Variants in GMCL1 observed in about 807,000 individuals in gnomAD.
GMCL1 encodes germ cell-less 1, spermatogenesis associated.
A neutral mutation model predicts 75.5 loss-of-function variants in GMCL1; 54 were observed. The observed-to-expected ratio is 0.71, with a 90% CI of 0.57 to 0.90. The LOEUF is 0.90. GMCL1 is among the 40% of genes least tolerant of loss of function. The pLI is 0.00. For synonymous variants in GMCL1, 210 were observed against 209.6 expected (o/e 1.00, Z -0.02); for missense variants, 537 against 622.7 (o/e 0.86, Z 1.47).
chr2:69,867,835 C>T (rs1675864755), intron 11 of GMCL1, among the ~76,000 whole-genome samples: 1 of 152,268 alleles, frequency 6.6e-6, no homozygotes, highest in Non-Finnish European at 1.5e-5. Context: ...CTGCATTTTC[C>T]TAGTGAATTG....
At chr2:69,874,174 A>G (rs1249037380) in intron 13 of GMCL1, among the ~76,000 whole-genome samples, 1 of 152,132 alleles carries the variant, frequency 6.6e-6, no homozygotes, top group Non-Finnish European at 1.5e-5. Context: ...AAATTCCAAG[A>G]AGTAGAATTC....
rs113907341 is a variant in GMCL1, at chr2:69,865,386, G to A, written c.1218+411G>A. Among the ~76,000 whole-genome samples, 821 of 152,252 alleles carry A rather than the reference G, an allele frequency of 5.4e-3. 9 individuals carry two copies. The highest frequency in any genetic ancestry group is 0.019 in the African/African-American group (790 of 41,544). ...TTCTTGGCCAGGTGCGGTGGCTCAC[G>A]CCTATAATCCCAGCACTTTGGAAGG... On this transcript the variant is annotated intron_variant, in intron 11 of 13. Coordinates refer to ENST00000282570, the MANE Select transcript of GMCL1 (RefSeq NM_178439.5).
rs933532348 is a variant in GMCL1 at position 69,832,075 on chromosome 2, A to C, written c.260+1923A>C. 2.6e-5 allele frequency among the ~76,000 whole-genome samples: 4 copies of C among 152,142 alleles called. No individual in the cohort carries two copies. The East Asian group carries it at 7.7e-4, about 29-fold the overall frequency. On this transcript the variant is annotated intron_variant, in intron 1 of 13. Coordinates refer to ENST00000282570, the MANE Select transcript of GMCL1 (RefSeq NM_178439.5). ...GTCTCTACTAAAAATATAAAAACTA[A>C]CCAGTCGTGGTGGCAGCTGCCTGTA...
At chr2:69,860,844 T>G (rs914975184) in intron 9 of GMCL1, among the ~76,000 whole-genome samples, 11 of 152,126 alleles carry the variant, frequency 7.2e-5, no homozygotes, top group African/African-American at 2.4e-4. Flanking sequence ...TTTGTTTGTC[T>G]GTCTGTTTGA....
Position 69,844,190 on chromosome 2 carries a change from A to G in GMCL1, c.752A>G (p.Glu251Gly). ...CACCAGAATGTTGAACTTTTTAAAGAACTCAGGTATTTGAATTTCAAGTAA... is the reference window on the plus strand; with the variant it reads ...CACCAGAATGTTGAACTTTTTAAAGGACTCAGGTATTTGAATTTCAAGTAA... ...MTHQNVELFK[E>G]LSINVMKQLI... The change falls in exon 6 of 14, where the codon GAA (glutamate) becomes GGA (glycine). Residue 251 changes from glutamate to glycine, a missense_variant. Transcript: ENST00000282570. 6.4e-7 allele frequency: 1 copy of G among 1,551,382 alleles called. No homozygotes were observed. Among genetic ancestry groups the G allele is most frequent in the Non-Finnish European group, 8.8e-7 (1 of 1,140,832 alleles).
chr2:69,859,350 AAT>A (rs1675573486), intron 9 of GMCL1, among the ~76,000 whole-genome samples: 2 of 151,228 alleles, frequency 1.3e-5, no homozygotes, highest in African/African-American at 4.8e-5. Context: ...AATTTTTTTA[AAT>A]ATATGTGTGT....
chr2:69,869,572 C>T, intron 11 of GMCL1, 147 bp from the exon 12 acceptor site: 1 of 663,534 alleles, frequency 1.5e-6, no homozygotes, highest in Non-Finnish European at 2.5e-6. Context: ...GGGTGGTAAG[C>T]CTTAAGAAAA....
At chr2:69,865,966 T>C (rs1444600364) in intron 11 of GMCL1, among the ~76,000 whole-genome samples, 1 of 152,056 alleles carries the variant, frequency 6.6e-6, no homozygotes, top group Non-Finnish European at 1.5e-5. Flanking sequence ...AAAAACTGAT[T>C]GTGGCTGGGC....
intron 6 of GMCL1, among the ~76,000 whole-genome samples, chr2:69,846,639 A>G (rs1675156249): frequency 6.6e-6 from 1 of 152,202 alleles, no homozygotes; most frequent in Admixed American, 6.5e-5. Context: ...TTTATGGCTC[A>G]AAGGAAAGAA....
At position 69,861,320 on chromosome 2, in the gene GMCL1, T is replaced by C. The variant is rs766903048; in HGVS notation, c.1115T>C (p.Leu372Pro). 1.2e-6 allele frequency: 2 copies of C among 1,610,672 alleles called. No homozygotes were observed. Among genetic ancestry groups the C allele is most frequent in the South Asian group, 2.2e-5 (2 of 90,826 alleles). Residue 372 changes from leucine to proline, a missense_variant, in exon 10 of 14, where the codon CTG becomes CCG. Leu to Pro is a moderately conservative substitution (Grantham distance 98). Coordinates refer to ENST00000282570, the MANE Select transcript of GMCL1 (RefSeq NM_178439.5). ...TATAAACAGCAGTGGTTTGCTATGCTGCGGGCAGAACAGGACAGTGAGGTG... is the reference window on the plus strand; with the variant it reads ...TATAAACAGCAGTGGTTTGCTATGCCGCGGGCAGAACAGGACAGTGAGGTG... ...SVYKQQWFAM[L>P]RAEQDSEVGP...
At chr2:69,873,424 CAG>C (rs1676039088) in intron 13 of GMCL1, 1 of 151,920 alleles carries the variant, frequency 6.6e-6, no homozygotes, top group African/African-American at 2.4e-5. Flanking sequence ...ATGTACCACT[CAG>C]ATACATTGCT....
At chr2:69,834,101 C>T (rs866161403) in intron 1 of GMCL1, among the ~76,000 whole-genome samples, 12 of 152,130 alleles carry the variant, frequency 7.9e-5, no homozygotes, top group South Asian at 4.1e-4. Flanking sequence ...CTTATTTGGA[C>T]AGTGCCTTTT....
intron 9 of GMCL1, 126 bp from the exon 10 acceptor site, chr2:69,861,152 T>G (rs774974612): frequency 7.2e-6 from 5 of 697,950 alleles, no homozygotes; most frequent in Non-Finnish European, 1.2e-5. Context: ...CTAAGCTACC[T>G]AATTTTTAAA....
rs185388407 is a variant in GMCL1 at position 69,844,525 on chromosome 2, T to G, written c.758+329T>G. 6.7e-5 allele frequency: 11 copies of G among 164,242 alleles called. No individual in the cohort carries two copies. In the East Asian group the frequency reaches 1.5e-3, roughly 23 times the overall value. The allele number at this position is 164,242 out of a possible 1,614,324, so 10.2% of individuals were successfully genotyped here. On this transcript the variant is annotated intron_variant, in intron 6 of 13. Coordinates refer to ENST00000282570, the MANE Select transcript of GMCL1 (RefSeq NM_178439.5). ...TCATCTTTTTTATTGAGAAATAAGT[T>G]TGAAGAAACTGTTTTGGCCTTTTTT...
chr2:69,837,887 C>T (rs1260378403), intron 2 of GMCL1, among the ~76,000 whole-genome samples: 1 of 152,168 alleles, frequency 6.6e-6, no homozygotes, highest in African/African-American at 2.4e-5. Flanking sequence ...TAGCCTAATA[C>T]TACGTATTTG....
chr2:69,830,034 G>A lies in GMCL1; in HGVS notation c.142G>A (p.Gly48Ser), dbSNP rs773054247. The change falls in exon 1 of 14, where the codon GGC (glycine) becomes AGC (serine). Residue 48 changes from glycine (G) to serine (S), a missense_variant. Physicochemically the swap from Gly to Ser is moderately conservative, Grantham distance 56. Coordinates refer to ENST00000282570, the MANE Select transcript of GMCL1 (RefSeq NM_178439.5). ...AAGHGFCYCA[G>S]SHKRKRSSGS... is the part of the protein sequence containing the mutation. ...GGGCCACGGATTCTGTTACTGTGCG[G>A]GCAGCCACAAGCGCAAGCGGAGCAG... 39 of 1,564,558 alleles carry A rather than the reference G, an allele frequency of 2.5e-5. No individual in the cohort carries two copies. Among genetic ancestry groups the A allele is most frequent in the Non-Finnish European group, 3.2e-5 (37 of 1,154,400 alleles).
Position 69,873,946 on chromosome 2 carries a change from C to CTT in GMCL1, c.1452+2128_1452+2129dup, listed in dbSNP as rs58504589. On this transcript the variant is annotated intron_variant, in intron 13 of 13. Transcript: ENST00000282570. ...CAGACAGTGAGGTAGTAATTGTAAC[C>CTT]TTTTTTTTTTTTTTTCACTTTGTTG... 2.7e-3 allele frequency: 389 copies of CTT among 142,318 alleles called. 3 individuals carry two copies. The highest frequency in any genetic ancestry group is 7.9e-3 in the African/African-American group (298 of 37,956). The allele number at this position is 142,318 out of a possible 1,614,324, so 8.8% of individuals were successfully genotyped here. A position where few individuals can be genotyped will look rare whatever the true frequency, so the allele number is the denominator to read the frequency against.
At chr2:69,859,264 A>G (rs939960963) in intron 9 of GMCL1, among the ~76,000 whole-genome samples, 1 of 151,536 alleles carries the variant, frequency 6.6e-6, no homozygotes, top group Non-Finnish European at 1.5e-5. Flanking sequence ...GCCATATGCT[A>G]TCTCTAGATC....
At chr2:69,840,872 G>T in intron 3 of GMCL1, 70 bp from the exon 4 acceptor site, 1 of 999,282 alleles carries the variant, frequency 1.0e-6, no homozygotes, top group Non-Finnish European at 1.5e-6. Flanking sequence ...GACAGTCGTT[G>T]TTGTTATTTG....
Sources: allele counts gnomAD v4.1 joint callset (sites outside exome capture counted in the v4.1 genomes callset), GRCh38; gene constraint gnomAD v4.1.1; transcripts MANE v1.5; gene names NCBI Gene and HGNC (gene_info 2026-07-23, HGNC 2026-07-21).